The following OSBP2 variants were observed in gnomAD, a reference collection of about 807,000 sequenced individuals.
OSBP2 encodes the protein oxysterol-binding protein 2.
In OSBP2, 66 loss-of-function variants were observed where a neutral mutation model predicts 96.0. That is an observed-to-expected ratio of 0.69 (90% CI 0.56 to 0.84). OSBP2 has a LOEUF of 0.84. Among genes scored for constraint, OSBP2 ranks in the 40% least tolerant of loss-of-function variants. The pLI, the probability that OSBP2 is intolerant of heterozygous loss-of-function variation, is 0.00. For missense variants in OSBP2, 1,038 were observed against 1,222.7 expected (o/e 0.85, Z 2.25); for synonymous variants, 525 against 520.9 (o/e 1.01, Z -0.11).
intron 1 of OSBP2, among the ~76,000 whole-genome samples, chr22:30,709,737 G>A (rs2089316171): frequency 6.6e-6 from 1 of 151,764 alleles, no homozygotes; most frequent in Non-Finnish European, 1.5e-5. Context: ...GGGTCTTGCT[G>A]TGTCACCCAG....
intron 2 of OSBP2, among the ~76,000 whole-genome samples, chr22:30,752,206 A>G (rs1170606627): frequency 7.0e-6 from 1 of 142,938 alleles, no homozygotes; most frequent in African/African-American, 2.6e-5. Flanking sequence ...TTTTATATTT[A>G]TGGCTCGAAC....
chr22:30,904,292 C>G (rs1287702014), intron 12 of OSBP2, among the ~76,000 whole-genome samples: 1 of 152,214 alleles, frequency 6.6e-6, no homozygotes, highest in Non-Finnish European at 1.5e-5. Context: ...CTCTCTCCTT[C>G]CTTCCACCTG....
chr22:30,782,997 T>G (rs1247239079), intron 2 of OSBP2, among the ~76,000 whole-genome samples: 2 of 151,928 alleles, frequency 1.3e-5, no homozygotes, highest in South Asian at 2.1e-4. Flanking sequence ...CAAAAATGAT[T>G]GTATGTTTTC....
At chr22:30,828,168 C>T (rs1400280909) in intron 2 of OSBP2, among the ~76,000 whole-genome samples, 2 of 152,156 alleles carry the variant, frequency 1.3e-5, no homozygotes, top group African/African-American at 4.8e-5. Flanking sequence ...AGGCTAAATG[C>T]CAGATGGAGG....
Position 30,870,286 on chromosome 22 carries a change from C to T in OSBP2, c.854-143C>T. The T allele has an allele frequency of 1.1e-6, 1 of 889,320 alleles. No homozygotes were observed. Among genetic ancestry groups the T allele is most frequent in the Non-Finnish European group, 1.7e-6 (1 of 590,044 alleles). 55.1% of individuals were successfully genotyped at this position (889,320 alleles called of 1,614,324 possible). On this transcript the variant is annotated intron_variant, in intron 2 of 13. Transcript: ENST00000332585. This position sits in a 1 kb window ranked among gnomAD's most constrained non-coding sequence, Gnocchi z 4.1. ...GGATGGGGCAGGCACCTCACCCCGGCCAGGAACAGGAACGGGCACCATCTC... is the reference window on the plus strand; with the variant it reads ...GGATGGGGCAGGCACCTCACCCCGGTCAGGAACAGGAACGGGCACCATCTC...
chr22:30,744,039 C>T (rs553728001), intron 2 of OSBP2, among the ~76,000 whole-genome samples: 1 of 152,282 alleles, frequency 6.6e-6, no homozygotes, highest in South Asian at 2.1e-4. Flanking sequence ...TCCAGGTAAC[C>T]CTCAAGGTAG....
chr22:30,740,438 T>C (rs2089923064), intron 1 of OSBP2, among the ~76,000 whole-genome samples: 1 of 152,220 alleles, frequency 6.6e-6, no homozygotes, highest in Non-Finnish European at 1.5e-5. Context: ...CCATAATTTC[T>C]AATCCTGTGG....
chr22:30,858,075 C>A (rs1251122688), intron 2 of OSBP2, among the ~76,000 whole-genome samples: 1 of 151,526 alleles, frequency 6.6e-6, no homozygotes, highest in Admixed American at 6.6e-5. Context: ...CAAGGGGGAC[C>A]AATCATGGGG....
chr22:30,752,704 C>T (rs2090093743), intron 2 of OSBP2, among the ~76,000 whole-genome samples: 1 of 152,070 alleles, frequency 6.6e-6, no homozygotes, highest in Non-Finnish European at 1.5e-5. Context: ...TCTCCTGGAT[C>T]AAGGAAAAGA....
In OSBP2 at chr22:30,893,169, T is replaced by C; in HGVS notation, c.1917T>C (p.His639=). The C allele has an allele frequency of 1.2e-6, 2 of 1,614,116 alleles. No individual in the cohort carries two copies. The highest frequency in any genetic ancestry group is 1.7e-6 in the Non-Finnish European group (2 of 1,179,968). ...PSAAHYVFSK[H]GWSLWQEITI... ...CTGCGCACTACGTGTTCTCCAAGCA[T>C]GGCTGGAGCCTCTGGCAGGAGATCA... Residue 639 remains histidine, a synonymous_variant, in exon 9 of 14, where the codon CAT becomes CAC. Coordinates refer to ENST00000332585, the MANE Select transcript of OSBP2 (RefSeq NM_030758.4).
intron 3 of OSBP2, among the ~76,000 whole-genome samples, chr22:30,877,497 T>C (rs753191797): frequency 6.6e-6 from 1 of 152,216 alleles, no homozygotes; most frequent in Non-Finnish European, 1.5e-5. Flanking sequence ...GCACTGCCTC[T>C]GTCACTTGGC....
At chr22:30,885,987 G>C (rs2039801348) in intron 3 of OSBP2, among the ~76,000 whole-genome samples, 1 of 152,222 alleles carries the variant, frequency 6.6e-6, no homozygotes, top group Non-Finnish European at 1.5e-5. Flanking sequence ...GACCATCCCA[G>C]CAGAGGGGGC....
At chr22:30,803,103 C>T (rs1363375729) in intron 2 of OSBP2, 1 of 208,384 alleles carries the variant, frequency 4.8e-6, no homozygotes, top group Non-Finnish European at 9.5e-6. Context: ...GCGGCGGCGG[C>T]AGCAGCAGCA....
chr22:30,852,223 G>T (rs1252188106), intron 2 of OSBP2, among the ~76,000 whole-genome samples: 1 of 152,002 alleles, frequency 6.6e-6, no homozygotes, highest in African/African-American at 2.4e-5. Flanking sequence ...AAAAACTTTG[G>T]GTAAGAAGTG....
At chr22:30,773,809 G>C (rs1569117617) in intron 2 of OSBP2, among the ~76,000 whole-genome samples, 1 of 152,126 alleles carries the variant, frequency 6.6e-6, no homozygotes, top group Admixed American at 6.5e-5. Flanking sequence ...GGATATCACC[G>C]AGTGTGGGAG....
In OSBP2 at chr22:30,890,936, G is replaced by A. The variant is rs1233601034; in HGVS notation, c.1832G>A (p.Arg611His). Reference sequence around the variant, plus strand: ...CTGGGGGAGACCTTCGAGCTGGACCGCCTCGACGACATGGGCCTGCGCTCC... The same window carrying A: ...CTGGGGGAGACCTTCGAGCTGGACCACCTCGACGACATGGGCCTGCGCTCC... Reference protein sequence around the residue: ...PMLGETFELDRLDDMGLRSLC... With the variant: ...PMLGETFELDHLDDMGLRSLC... The change falls in exon 8 of 14, where the codon CGC (arginine) becomes CAC (histidine). Residue 611 changes from arginine to histidine, a missense_variant. Arg to His is a conservative substitution (Grantham distance 29, BLOSUM62 0). This residue lies in a region of OSBP2 where 737 missense variants were observed against 913.3 expected (regional missense o/e 0.81). Coordinates refer to ENST00000332585, the MANE Select transcript of OSBP2 (RefSeq NM_030758.4). The surrounding 1 kb of genome is among the most constrained non-coding windows in gnomAD (Gnocchi z 4.4). The A allele has an allele frequency of 4.3e-6, 7 of 1,611,106 alleles. No homozygotes were observed. The highest frequency in any genetic ancestry group is 2.2e-5 in the East Asian group (1 of 44,884).
intron 1 of OSBP2, among the ~76,000 whole-genome samples, chr22:30,735,410 CTT>C (rs774749546): frequency 0.038 from 3,832 of 100,240 alleles, 63 homozygotes; most frequent in African/African-American, 0.15. Flanking sequence ...TCTTCTCTCT[CTT>C]TTTTTTTTTT....
chr22:30,779,452 A>T (rs2090484594), intron 2 of OSBP2, among the ~76,000 whole-genome samples: 1 of 152,096 alleles, frequency 6.6e-6, no homozygotes, highest in Non-Finnish European at 1.5e-5. Context: ...AGTGTAAGTC[A>T]ACTAGTACAA....
chr22:30,706,703 G>T (rs536109114), intron 1 of OSBP2, among the ~76,000 whole-genome samples: 123 of 152,106 alleles, frequency 8.1e-4, no homozygotes, highest in Non-Finnish European at 1.3e-4. Flanking sequence ...TCTTCTTCCA[G>T]CCTTGACCCT....
Sources: allele counts gnomAD v4.1 joint callset (sites outside exome capture counted in the v4.1 genomes callset), GRCh38; gene constraint gnomAD v4.1.1; regional missense constraint gnomAD v4.1.1; non-coding constraint Gnocchi (gnomAD v3.1); transcripts MANE v1.5; gene names NCBI Gene and HGNC (gene_info 2026-07-23, HGNC 2026-07-21).